ESR1: variants seen among roughly 807,000 people sequenced by gnomAD.
ESR1 encodes estrogen receptor 1.
In ESR1, 12 loss-of-function variants were observed where a neutral mutation model predicts 52.7. The observed-to-expected ratio is 0.23, with a 90% CI of 0.15 to 0.37. The LOEUF is 0.37. Among genes scored for constraint, ESR1 ranks in the 10% least tolerant of loss-of-function variants. ESR1 has a pLI of 1.00. For synonymous variants in ESR1, 305 were observed against 316.8 expected (o/e 0.96, Z 0.39); for missense variants, 584 against 779.7 (o/e 0.75, Z 2.99).
chr6:151,758,748 C>A lies in ESR1; in HGVS notation c.-70-49095C>A, dbSNP rs1310021247. 2.0e-5 allele frequency among the ~76,000 whole-genome samples: 3 copies of A among 146,570 alleles called. No individual in the cohort carries two copies. In the East Asian group the frequency reaches 6.2e-4, roughly 30 times the overall value. Reference sequence around the variant, plus strand: ...CTCCAGCCTGGGCAACAGAGTGAGACTCTGTCTCAAATTAAAAAAAAAAAA... The same window carrying A: ...CTCCAGCCTGGGCAACAGAGTGAGAATCTGTCTCAAATTAAAAAAAAAAAA... On this transcript the variant is annotated intron_variant, in intron 2 of 2. Transcript: ENST00000404742.
chr6:151,674,718 A>G (rs1352664804), intron 1 of ESR1, among the ~76,000 whole-genome samples: 2 of 152,172 alleles, frequency 1.3e-5, no homozygotes, highest in Non-Finnish European at 2.9e-5. Context: ...AATGATCGCC[A>G]TTCTAACTGG....
intron 1 of ESR1, among the ~76,000 whole-genome samples, chr6:151,678,742 A>G (rs1187470747): frequency 6.7e-6 from 1 of 150,228 alleles, no homozygotes; most frequent in Non-Finnish European, 1.5e-5. Flanking sequence ...GCTGGAGTAC[A>G]GTGGCGCAAT....
chr6:151,881,109 T>C (rs536914508), intron 3 of ESR1, among the ~76,000 whole-genome samples: 1 of 152,344 alleles, frequency 6.6e-6, no homozygotes, highest in East Asian at 1.9e-4. Context: ...AGTTACTGTT[T>C]ATGTTGCAAA....
At chr6:151,682,580 AG>A (rs1201835426) in intron 1 of ESR1, among the ~76,000 whole-genome samples, 4 of 152,220 alleles carry the variant, frequency 2.6e-5, no homozygotes, top group Non-Finnish European at 4.4e-5. Flanking sequence ...ATTTGGTAAA[AG>A]GGGGCTAATT....
chr6:151,745,019 T>A (rs1290539186), intron 2 of ESR1, among the ~76,000 whole-genome samples: 12 of 152,158 alleles, frequency 7.9e-5, no homozygotes, highest in African/African-American at 2.7e-4. Context: ...TCCTCACAGC[T>A]CTCCCTGCTC....
intron 4 of ESR1, among the ~76,000 whole-genome samples, chr6:152,004,055 T>C (rs763073935): frequency 1.8e-4 from 27 of 152,154 alleles, no homozygotes; most frequent in Non-Finnish European, 3.1e-4. Flanking sequence ...TGAAGGGCTT[T>C]ATAAGCCTCA....
chr6:151,807,582 G>A (rs1778078445), upstream of ESR1: 4 of 473,744 alleles, frequency 8.4e-6, no homozygotes, highest in South Asian at 4.3e-5. Flanking sequence ...TTAAGCCAAT[G>A]TCAGGGCAAG....
At chr6:151,755,559 A>G (rs1407876560) in intron 2 of ESR1, among the ~76,000 whole-genome samples, 1 of 151,914 alleles carries the variant, frequency 6.6e-6, no homozygotes, top group African/African-American at 2.4e-5. Context: ...TTTCCTGCCC[A>G]TGCTCTGTCC....
Position 151,750,028 on chromosome 6 carries a change from G to T in ESR1, c.-71+48023G>T, listed in dbSNP as rs144028593. On this transcript the variant is annotated intron_variant, in intron 2 of 2. Transcript: ENST00000404742. Reference sequence around the variant, plus strand: ...AAATACAAAAGGAATGAGGGAGGGAGACATGAATATAGATGGGTGTTATCA... The same window carrying T: ...AAATACAAAAGGAATGAGGGAGGGATACATGAATATAGATGGGTGTTATCA... Among the ~76,000 whole-genome samples the T allele has an allele frequency of 3.5e-3, 540 of 152,250 alleles. 3 individuals carry two copies. Among genetic ancestry groups the T allele is most frequent in the Non-Finnish European group, 5.9e-3 (399 of 68,014 alleles).
At chr6:151,711,654 T>C (rs1017830467) in intron 2 of ESR1, among the ~76,000 whole-genome samples, 5 of 152,230 alleles carry the variant, frequency 3.3e-5, no homozygotes, top group African/African-American at 1.2e-4. Flanking sequence ...CATAAATGAC[T>C]TCCTTTGAGA....
At chr6:151,672,897 C>T (rs1206846123) in intron 1 of ESR1, among the ~76,000 whole-genome samples, 3 of 147,532 alleles carry the variant, frequency 2.0e-5, no homozygotes, top group Non-Finnish European at 3.0e-5. Context: ...AGCACGATCT[C>T]GGCTCACTGC....
intron 4 of ESR1, among the ~76,000 whole-genome samples, chr6:151,944,744 T>C (rs1331985228): frequency 6.6e-6 from 1 of 152,198 alleles, no homozygotes; most frequent in Admixed American, 6.5e-5. Context: ...ACATAATTTA[T>C]TTTTAACCCA....
At chr6:151,701,118 G>A (rs977502707) in intron 1 of ESR1, among the ~76,000 whole-genome samples, 3 of 152,028 alleles carry the variant, frequency 2.0e-5, no homozygotes, top group South Asian at 4.1e-4. Flanking sequence ...ATGTAACAAC[G>A]TCTGAATCTT....
chr6:151,832,614 C>T (rs1254500484), intron 1 of ESR1, among the ~76,000 whole-genome samples: 1 of 152,150 alleles, frequency 6.6e-6, no homozygotes, highest in Non-Finnish European at 1.5e-5. Context: ...TGAATACATT[C>T]TTCTGTCAGA....
chr6:151,728,677 C>T (rs891985399), intron 2 of ESR1, among the ~76,000 whole-genome samples: 3 of 152,318 alleles, frequency 2.0e-5, no homozygotes, highest in South Asian at 4.1e-4. Flanking sequence ...CCCCCATCCA[C>T]ACATTTGATG....
chr6:151,893,208 G>A (rs1325598223), intron 3 of ESR1, among the ~76,000 whole-genome samples: 1 of 152,122 alleles, frequency 6.6e-6, no homozygotes, highest in Non-Finnish European at 1.5e-5. Flanking sequence ...AATTAGCCAG[G>A]CATGGCGGGG....
rs2051003187 is a variant in ESR1 at position 152,102,859 on chromosome 6, G to A, written c.*3893G>A. ...ATCGTCAGTGTGTGTGTTTAGAGCT[G>A]TGCACCCTAGAAACAACATATTGTC... On this transcript the variant is annotated 3_prime_UTR_variant, in exon 8 of 8. Coordinates refer to ENST00000206249, the MANE Select transcript of ESR1 (RefSeq NM_000125.4). 2 of 226,404 alleles carry A rather than the reference G, an allele frequency of 8.8e-6. No homozygotes were observed. Among genetic ancestry groups the A allele is most frequent in the Non-Finnish European group, 1.8e-5 (2 of 113,546 alleles). 14.0% of individuals were successfully genotyped at this position (226,404 alleles called of 1,614,324 possible).
chr6:151,922,905 A>G (rs1461777983), intron 3 of ESR1, among the ~76,000 whole-genome samples: 1 of 152,184 alleles, frequency 6.6e-6, no homozygotes, highest in Non-Finnish European at 1.5e-5. Context: ...GTACCTACTG[A>G]TGTCTCCAAT....
intron 2 of ESR1, among the ~76,000 whole-genome samples, chr6:151,844,299 G>A (rs1784772929): frequency 6.6e-6 from 1 of 151,860 alleles, no homozygotes; most frequent in Non-Finnish European, 1.5e-5. Context: ...CTTAATTTGT[G>A]GTTTTACTGT....
Sources: allele counts gnomAD v4.1 joint callset (sites outside exome capture counted in the v4.1 genomes callset), GRCh38; gene constraint gnomAD v4.1.1; transcripts MANE v1.5; gene names NCBI Gene and HGNC (gene_info 2026-07-23, HGNC 2026-07-21).